PTPRK: variants seen among roughly 807,000 people sequenced by gnomAD.
PTPRK encodes the protein receptor-type tyrosine-protein phosphatase kappa.
In PTPRK, 75 loss-of-function variants were observed where a neutral mutation model predicts 178.0. That is an observed-to-expected ratio of 0.42 (90% CI 0.35 to 0.51). The LOEUF (loss-of-function observed/expected upper bound fraction) is 0.51, where lower values mean the gene tolerates loss of function less well. Ranked by LOEUF, PTPRK falls within the 20% of genes least tolerant of loss-of-function variation. The pLI, the probability that PTPRK is intolerant of heterozygous loss-of-function variation, is 0.02. For synonymous variants in PTPRK, 637 were observed against 620.6 expected, an observed-to-expected ratio of 1.03 and a Z score of -0.39; for missense variants, 1,441 against 1,797.8, an observed-to-expected ratio of 0.80 and a Z score of 3.59.
At chr6:128,497,561 A>G (rs1025216484) in intron 1 of PTPRK, among the ~76,000 whole-genome samples, 20 of 152,154 alleles carry the variant, frequency 1.3e-4, no homozygotes, top group African/African-American at 3.9e-4. Flanking sequence ...AATCAGATAA[A>G]CATCAAAGTG....
At chr6:128,099,361 G>A (rs922600590) in intron 7 of PTPRK, among the ~76,000 whole-genome samples, 1 of 151,802 alleles carries the variant, frequency 6.6e-6, no homozygotes, top group Non-Finnish European at 1.5e-5. Context: ...TTAATAAAAT[G>A]CTAAGAGGGC....
intron 13 of PTPRK, among the ~76,000 whole-genome samples, chr6:128,056,161 T>C (rs905729417): frequency 6.6e-6 from 1 of 151,920 alleles, no homozygotes; most frequent in African/African-American, 2.4e-5. Context: ...CACTTTGTTT[T>C]CCCCTCCCTC....
chr6:128,180,816 C>T (rs1801798057), intron 7 of PTPRK, among the ~76,000 whole-genome samples: 1 of 151,958 alleles, frequency 6.6e-6, no homozygotes, highest in Admixed American at 6.6e-5. Flanking sequence ...TTAAAATGTA[C>T]ATCTCTTCCA....
intron 13 of PTPRK, among the ~76,000 whole-genome samples, chr6:128,011,383 G>A (rs1356920738): frequency 6.6e-6 from 1 of 151,106 alleles, no homozygotes; most frequent in Non-Finnish European, 1.5e-5. Flanking sequence ...TTCTCTGGAA[G>A]AGCAGTTCTT....
intron 3 of PTPRK, among the ~76,000 whole-genome samples, chr6:128,318,648 T>C (rs1828367137): frequency 6.6e-6 from 1 of 152,200 alleles, no homozygotes; most frequent in Non-Finnish European, 1.5e-5. Flanking sequence ...TTTTGCAAGT[T>C]ACATACGTCT....
intron 20 of PTPRK, 112 bp downstream of exon 20, chr6:127,991,182 T>C (rs1776562461): frequency 1.3e-6 from 1 of 763,332 alleles, no homozygotes; most frequent in Non-Finnish European, 2.0e-6. Flanking sequence ...TAAAATGTTG[T>C]GCCTATAATT....
At chr6:127,977,610 T>G (rs535652896) in intron 25 of PTPRK, among the ~76,000 whole-genome samples, 5 of 152,346 alleles carry the variant, frequency 3.3e-5, no homozygotes, top group Admixed American at 2.6e-4. Context: ...TACCAGGATA[T>G]TCTGCACATC....
At chr6:128,415,215 G>A (rs1173840835) in intron 1 of PTPRK, among the ~76,000 whole-genome samples, 1 of 152,116 alleles carries the variant, frequency 6.6e-6, no homozygotes, top group East Asian at 1.9e-4. Flanking sequence ...ACTGTACAAA[G>A]TTCCTCCCAA....
chr6:128,179,562 A>C (rs1801596164), intron 7 of PTPRK, among the ~76,000 whole-genome samples: 1 of 152,010 alleles, frequency 6.6e-6, no homozygotes, highest in Admixed American at 6.6e-5. Context: ...TAAGAAGCTC[A>C]TACATTTCAA....
chr6:128,473,359 A>G (rs1562594766), intron 1 of PTPRK, among the ~76,000 whole-genome samples: 1 of 149,580 alleles, frequency 6.7e-6, no homozygotes, highest in Non-Finnish European at 1.5e-5. Context: ...GCCTCCCCTC[A>G]GTGATATTAA....
Position 128,436,521 on chromosome 6 carries a change from A to G in PTPRK, c.101-38833T>C, listed in dbSNP as rs144232840. 2.0e-5 allele frequency among the ~76,000 whole-genome samples: 3 copies of G among 152,254 alleles called. No individual in the cohort carries two copies. In the East Asian group the frequency reaches 5.8e-4, roughly 29 times the overall value. On this transcript the variant is annotated intron_variant, in intron 1 of 29. Transcript: ENST00000368226. ...GTATATACTGACACTAATTTCATCA[A>G]TTGAGATTATTTATGGGACTTAAAT...
chr6:128,064,853 A>G (rs4897241), intron 12 of PTPRK, 59 bp from the exon 13 acceptor site: 1,245,190 of 1,492,458 alleles, frequency 0.83, 524,686 homozygotes, highest in South Asian at 0.97. Flanking sequence ...TTCCTGTTTC[A>G]TAAACTATAA....
chr6:128,168,739 G>A (rs191985389), intron 7 of PTPRK, among the ~76,000 whole-genome samples: 1 of 152,182 alleles, frequency 6.6e-6, no homozygotes, highest in Admixed American at 6.6e-5. Flanking sequence ...CTCAGTCCAT[G>A]GAAATACTGT....
chr6:128,265,801 C>T (rs2128295245), intron 3 of PTPRK, among the ~76,000 whole-genome samples: 1 of 152,176 alleles, frequency 6.6e-6, no homozygotes, highest in Non-Finnish European at 1.5e-5. Context: ...TGTCATGGTC[C>T]AATATCTGTT....
chr6:128,221,393 G>A (rs536878143), intron 5 of PTPRK, among the ~76,000 whole-genome samples: 2 of 151,894 alleles, frequency 1.3e-5, no homozygotes, highest in East Asian at 3.9e-4. Flanking sequence ...GCGCGGTGGC[G>A]GGTGCCTATA....
At chr6:128,259,296 G>A (rs1337186763) in intron 3 of PTPRK, among the ~76,000 whole-genome samples, 1 of 152,134 alleles carries the variant, frequency 6.6e-6, no homozygotes, top group Non-Finnish European at 1.5e-5. Flanking sequence ...GGGAACACCA[G>A]TATGCCACAG....
chr6:127,995,639 T>C (rs982037000), intron 17 of PTPRK, 101 bp from the exon 18 acceptor site: 2 of 668,272 alleles, frequency 3.0e-6, no homozygotes, highest in Non-Finnish European at 5.1e-6. Flanking sequence ...GCCCATAGTC[T>C]ATCCATAGTA....
intron 5 of PTPRK, among the ~76,000 whole-genome samples, chr6:128,220,223 G>C (rs759633754): frequency 4.6e-5 from 7 of 151,876 alleles, no homozygotes; most frequent in Non-Finnish European, 8.8e-5. Flanking sequence ...TACCCATCAA[G>C]GAATAAATAG....
At position 128,082,438 on chromosome 6, in the gene PTPRK, T is replaced by C; in HGVS notation, c.1776A>G (p.Ser592=). The change falls in exon 10 of 30, where the codon TCA becomes TCG. Residue 592 remains serine (S), a splice_region_variant and synonymous_variant. Transcript: ENST00000368226. ...TTTGTAATTTATTCATTTGCATACCTGAGATATTGGTGGTGACATTGATGG... is the reference window on the plus strand; with the variant it reads ...TTTGTAATTTATTCATTTGCATACCCGAGATATTGGTGGTGACATTGATGG... ...ATAINVTTNI[S]APTLPDYEGV... is the part of the protein sequence containing the mutation. 1 of 1,557,724 alleles carries C rather than the reference T, an allele frequency of 6.4e-7. No homozygotes were observed. The highest frequency in any genetic ancestry group is 8.9e-7 in the Non-Finnish European group (1 of 1,128,628).
Sources: allele counts gnomAD v4.1 joint callset (sites outside exome capture counted in the v4.1 genomes callset), GRCh38; gene constraint gnomAD v4.1.1; transcripts MANE v1.5; gene names NCBI Gene and HGNC (gene_info 2026-07-23, HGNC 2026-07-21).